COG7: variants seen among roughly 807,000 people sequenced by gnomAD.
COG7 encodes conserved oligomeric Golgi complex subunit 7.
COG7 carries 49 observed loss-of-function variants against 91.5 expected under a neutral mutation model. The ratio of observed to expected loss-of-function variants is 0.54; its 90% CI spans 0.43 to 0.68. The LOEUF is 0.68. Among genes scored for constraint, COG7 ranks in the 30% least tolerant of loss-of-function variants. The pLI is 0.00. For synonymous variants in COG7, 365 were observed against 388.7 expected, an observed-to-expected ratio of 0.94 and a Z score of 0.72; for missense variants, 895 against 961.3, an observed-to-expected ratio of 0.93 and a Z score of 0.91.
intron 3 of COG7, among the ~76,000 whole-genome samples, chr16:23,443,033 CA>C (rs11411846): frequency 2.1e-5 from 3 of 142,584 alleles, no homozygotes; most frequent in African/African-American, 2.5e-5. Context: ...GACCCCGTCT[CA>C]AAAAAAAAAC....
At chr16:23,448,425 G>A (rs908045756) in intron 1 of COG7, among the ~76,000 whole-genome samples, 8 of 152,056 alleles carry the variant, frequency 5.3e-5, no homozygotes, top group Non-Finnish European at 8.8e-5. Context: ...CAATCCTTCC[G>A]AGTAGCTGGA....
chr16:23,389,399 TCACA>T (rs1242080243), intron 16 of COG7, among the ~76,000 whole-genome samples: 7 of 149,828 alleles, frequency 4.7e-5, no homozygotes, highest in South Asian at 2.2e-4. Flanking sequence ...ACATCCAAAC[TCACA>T]CAAACTCGCA....
chr16:23,420,527 TC>T (rs1445904435), intron 7 of COG7, among the ~76,000 whole-genome samples: 3 of 152,198 alleles, frequency 2.0e-5, no homozygotes, highest in Admixed American at 6.5e-5. Flanking sequence ...CACATGCTGA[TC>T]CTCTGTCTGG....
At chr16:23,389,860 CCAGGCAAGCTTGGGCAAAA>C (rs1433560711) in intron 16 of COG7, 1 of 152,200 alleles carries the variant, frequency 6.6e-6, no homozygotes, top group African/African-American at 2.4e-5. Context: ...GTTCTAACCA[CCAGGCAAGCTTGGGCAAAA>C]CAGACAGCAT....
chr16:23,430,166 T>C (rs796611122), intron 6 of COG7, among the ~76,000 whole-genome samples: 10 of 152,298 alleles, frequency 6.6e-5, no homozygotes, highest in African/African-American at 2.2e-4. Flanking sequence ...ACTCCTGTAA[T>C]CCCAGCACTT....
At chr16:23,409,489 C>T (rs1963528592) in intron 11 of COG7, among the ~76,000 whole-genome samples, 1 of 152,118 alleles carries the variant, frequency 6.6e-6, no homozygotes, top group African/African-American at 2.4e-5. Context: ...TTTGTACCAC[C>T]ACTAAAAATT....
At chr16:23,423,972 C>T (rs1414656419) in intron 7 of COG7, among the ~76,000 whole-genome samples, 2 of 152,186 alleles carry the variant, frequency 1.3e-5, no homozygotes, top group African/African-American at 4.8e-5. Context: ...TAACACAGCT[C>T]CCCTGCCCTG....
At chr16:23,449,375 TTAAATTAAAA>T (rs1245535060) in intron 1 of COG7, among the ~76,000 whole-genome samples, 9 of 114,000 alleles carry the variant, frequency 7.9e-5, no homozygotes, top group African/African-American at 3.4e-4. Context: ...AAAAATAAAA[TTAAATTAAAA>T]TAAAATAAAA....
At chr16:23,451,750 T>A (rs1964269991) in intron 1 of COG7, among the ~76,000 whole-genome samples, 1 of 149,980 alleles carries the variant, frequency 6.7e-6, no homozygotes. Context: ...AAAAAAGGTT[T>A]AAGTCTCCAC....
intron 3 of COG7, 120 bp from the exon 4 acceptor site, chr16:23,442,765 G>A: frequency 1.1e-6 from 1 of 901,476 alleles, no homozygotes; most frequent in Non-Finnish European, 1.8e-6. Flanking sequence ...GGGCATCGTG[G>A]TGGTTCATGC....
chr16:23,390,154 A>C (rs1434622798), intron 16 of COG7: 4 of 150,568 alleles, frequency 2.7e-5, no homozygotes, highest in Non-Finnish European at 4.4e-5. Flanking sequence ...GCTTGGAAAG[A>C]CTAGAAGACA....
At chr16:23,452,646 A>C in intron 1 of COG7, 180 bp downstream of exon 1, 1 of 1,400,678 alleles carries the variant, frequency 7.1e-7, no homozygotes, top group East Asian at 2.5e-5. Context: ...TGTTCAAGAC[A>C]GCCCGGCACC....
At chr16:23,429,188 C>T (rs776418090) in intron 6 of COG7, among the ~76,000 whole-genome samples, 1 of 152,050 alleles carries the variant, frequency 6.6e-6, no homozygotes, top group Non-Finnish European at 1.5e-5. Flanking sequence ...CAAGATTTTG[C>T]CATATTGCCC....
intron 11 of COG7, among the ~76,000 whole-genome samples, chr16:23,407,447 A>C (rs901442919): frequency 6.6e-6 from 1 of 152,252 alleles, no homozygotes; most frequent in East Asian, 1.9e-4. Context: ...AAGGGTTAGC[A>C]GAATGATCTT....
chr16:23,395,827 G>C (rs1392263750), intron 14 of COG7, among the ~76,000 whole-genome samples: 1 of 152,226 alleles, frequency 6.6e-6, no homozygotes, highest in African/African-American at 2.4e-5. Context: ...TGGGAAAAAT[G>C]AAAAGTTTTG....
rs1373739499 is a variant in COG7 at position 23,388,705 on chromosome 16, T to G, written c.*215A>C. The G allele has an allele frequency of 3.4e-6, 2 of 595,348 alleles. No homozygotes were observed. Among genetic ancestry groups the G allele is most frequent in the African/African-American group, 3.8e-5 (2 of 52,682 alleles). 36.9% of individuals were successfully genotyped at this position (595,348 alleles called of 1,614,324 possible). On this transcript the variant is annotated 3_prime_UTR_variant, in exon 17 of 17. Coordinates refer to ENST00000307149, the MANE Select transcript of COG7 (RefSeq NM_153603.4). ...TTAGTAGAGATGGGGTTTCACCATG[T>G]TGGTCAGGCTGGTCTCGAACTCCTG...
chr16:23,398,691 G>C (rs1289267083), intron 13 of COG7, among the ~76,000 whole-genome samples: 1 of 152,126 alleles, frequency 6.6e-6, no homozygotes, highest in East Asian at 1.9e-4. Context: ...TAAAGCTGCT[G>C]CTTTATTTCT....
intron 1 of COG7, among the ~76,000 whole-genome samples, chr16:23,449,698 G>A (rs991454179): frequency 1.4e-5 from 2 of 147,386 alleles, no homozygotes; most frequent in African/African-American, 2.5e-5. Flanking sequence ...CCGCGATCAC[G>A]CCATTGCACT....
chr16:23,396,969 G>A (rs1220683321), intron 14 of COG7, among the ~76,000 whole-genome samples: 3 of 152,122 alleles, frequency 2.0e-5, no homozygotes, highest in Non-Finnish European at 4.4e-5. Context: ...GAGTGCAGTG[G>A]TGCAATCACA....
Sources: allele counts gnomAD v4.1 joint callset (sites outside exome capture counted in the v4.1 genomes callset), GRCh38; gene constraint gnomAD v4.1.1; transcripts MANE v1.5; gene names NCBI Gene and HGNC (gene_info 2026-07-23, HGNC 2026-07-21).